The following PALS1 variants were observed in gnomAD, a reference collection of about 807,000 sequenced individuals.
PALS1 encodes protein associated with LIN7 1, MAGUK p55 family member, also known as protein PALS1.
In PALS1, 31 loss-of-function variants were observed where a neutral mutation model predicts 78.9. The observed-to-expected ratio is 0.39, with a 90% CI of 0.30 to 0.53. The LOEUF (loss-of-function observed/expected upper bound fraction) is 0.53. Ranked by LOEUF, PALS1 falls within the 20% of genes least tolerant of loss-of-function variation. The probability of loss-of-function intolerance (pLI) is 0.67; values close to 1 mark genes in which losing one functional copy is unlikely to be tolerated. For synonymous variants in PALS1, 276 were observed against 270.9 expected (o/e 1.02, Z -0.18); for missense variants, 704 against 826.5 (o/e 0.85, Z 1.82).
At chr14:67,254,177 T>A (rs1998384) in intron 1 of PALS1, 1 of 141,244 alleles carries the variant, frequency 7.1e-6, no homozygotes. Flanking sequence ...ATTTTAAGTG[T>A]CTTTCTTTTT....
Position 67,284,816 on chromosome 14 carries a change from A to G in PALS1, c.367+5279A>G, listed in dbSNP as rs145099054. Among the ~76,000 whole-genome samples the G allele has an allele frequency of 2.4e-3, 365 of 152,264 alleles. 2 individuals carry two copies. Among genetic ancestry groups the G allele is most frequent in the African/African-American group, 8.4e-3 (350 of 41,568 alleles). On this transcript the variant is annotated intron_variant, in intron 3 of 14. Coordinates refer to ENST00000261681, the MANE Select transcript of PALS1 (RefSeq NM_022474.4). ...AGGGTTCATCCATATTGTAGCATGA[A>G]TCAGTACTTCATTTCTTTTTTATGG...
At chr14:67,258,672 T>G (rs2084182568) in intron 1 of PALS1, among the ~76,000 whole-genome samples, 1 of 152,202 alleles carries the variant, frequency 6.6e-6, no homozygotes, top group South Asian at 2.1e-4. Context: ...TCCACCTGCC[T>G]CGGCCTCCCA....
chr14:67,330,741 A>C (rs2085435588), intron 14 of PALS1, among the ~76,000 whole-genome samples: 1 of 144,338 alleles, frequency 6.9e-6, no homozygotes, highest in Non-Finnish European at 1.5e-5. Flanking sequence ...TATGGGCCTG[A>C]GCCCCCGGCA....
At chr14:67,254,536 C>T (rs1232125386) in intron 1 of PALS1, among the ~76,000 whole-genome samples, 3 of 152,112 alleles carry the variant, frequency 2.0e-5, no homozygotes, top group African/African-American at 7.2e-5. Flanking sequence ...TCTCATTAGC[C>T]TTCCTTTCTT....
rs112917410 is a variant in PALS1, at chr14:67,268,594, G to A, written c.-236-1107G>A. On this transcript the variant is annotated intron_variant, in intron 1 of 14. Coordinates refer to ENST00000261681, the MANE Select transcript of PALS1 (RefSeq NM_022474.4). ...GTTCCTCCCCTTTTTAGACCATATA[G>A]GGTGACTTCCTAACGTTGCCATGGC... Among the ~76,000 whole-genome samples the A allele has an allele frequency of 8.7e-3, 1,329 of 152,280 alleles. 20 individuals carry two copies. Among genetic ancestry groups the A allele is most frequent in the African/African-American group, 0.029 (1,204 of 41,556 alleles).
intron 9 of PALS1, 52 bp downstream of exon 9, chr14:67,312,762 GCAAGCC>G: frequency 1.5e-6 from 2 of 1,324,052 alleles, no homozygotes; most frequent in Non-Finnish European, 2.0e-6. Context: ...CATTGAAAAT[GCAAGCC>G]TTCACAAAGA....
At chr14:67,318,807 C>T (rs578220740) in intron 11 of PALS1, among the ~76,000 whole-genome samples, 1 of 152,166 alleles carries the variant, frequency 6.6e-6, no homozygotes, top group Non-Finnish European at 1.5e-5. Flanking sequence ...CCTGTAATCC[C>T]AGCACTTTGG....
chr14:67,330,157 T>A (rs10133752), intron 14 of PALS1, among the ~76,000 whole-genome samples: 1,949 of 139,394 alleles, frequency 0.014, 24 homozygotes, highest in African/African-American at 0.029. Context: ...TAATAATAAT[T>A]ATTATTATTA....
intron 3 of PALS1, among the ~76,000 whole-genome samples, chr14:67,285,573 G>C (rs1045448733): frequency 3.4e-5 from 5 of 147,452 alleles, no homozygotes; most frequent in East Asian, 4.3e-4. Context: ...GTTTCACCGT[G>C]TTAGCCAGGA....
intron 2 of PALS1, 90 bp from the exon 3 acceptor site, chr14:67,278,928 A>G (rs758692743): frequency 5.9e-5 from 18 of 306,594 alleles, no homozygotes; most frequent in Non-Finnish European, 6.6e-5. Flanking sequence ...ATTATTTTCT[A>G]CGTTGTATGG....
chr14:67,289,495 C>T (rs1448167486), intron 3 of PALS1, among the ~76,000 whole-genome samples: 2 of 151,966 alleles, frequency 1.3e-5, no homozygotes, highest in African/African-American at 4.8e-5. Flanking sequence ...GTCTTGGAAC[C>T]AATCTCCCAC....
At chr14:67,268,552 A>C (rs541871177) in intron 1 of PALS1, among the ~76,000 whole-genome samples, 14 of 152,350 alleles carry the variant, frequency 9.2e-5, no homozygotes, top group African/African-American at 3.1e-4. Flanking sequence ...AGGGATGGGC[A>C]ATTCGCAGAA....
intron 3 of PALS1, among the ~76,000 whole-genome samples, chr14:67,286,875 GA>G (rs1000508583): frequency 0.014 from 1,822 of 133,816 alleles, 44 homozygotes; most frequent in Admixed American, 0.053. Context: ...AAAAAAAAAA[GA>G]AAAAAACTGT....
chr14:67,311,858 T>G (rs2085095366), intron 8 of PALS1: 1 of 152,490 alleles, frequency 6.6e-6, no homozygotes, highest in South Asian at 2.1e-4. Context: ...TTTAGTTAAT[T>G]TTAGTCGTTG....
intron 1 of PALS1, among the ~76,000 whole-genome samples, chr14:67,267,443 G>T (rs948199136): frequency 1.3e-5 from 2 of 151,782 alleles, no homozygotes; most frequent in Non-Finnish European, 1.5e-5. Flanking sequence ...TAGAGATGGG[G>T]GTTCATCATG....
At chr14:67,268,445 G>A (rs1206499700) in intron 1 of PALS1, among the ~76,000 whole-genome samples, 1 of 152,134 alleles carries the variant, frequency 6.6e-6, no homozygotes, top group Non-Finnish European at 1.5e-5. Context: ...TGACAGTAAA[G>A]GAATGAAAGA....
chr14:67,253,624 T>A (rs1334585052), intron 1 of PALS1, among the ~76,000 whole-genome samples: 1 of 152,144 alleles, frequency 6.6e-6, no homozygotes, highest in East Asian at 1.9e-4. Flanking sequence ...GCAAGAGGAC[T>A]GCTTGAGCCC....
At position 67,266,908 on chromosome 14, in the gene PALS1, G is replaced by A. The variant is rs532247119; in HGVS notation, c.-236-2793G>A. On this transcript the variant is annotated intron_variant, in intron 1 of 14. Coordinates refer to ENST00000261681, the MANE Select transcript of PALS1 (RefSeq NM_022474.4). ...ACAGATCACTTGAGCCTAGGAGTTC[G>A]ACACCAGCCTGGGCAACACAGTGAA... 2.0e-4 allele frequency among the ~76,000 whole-genome samples: 30 copies of A among 151,950 alleles called. 1 individual carries two copies. Among genetic ancestry groups the A allele is most frequent in the Middle Eastern group, 3.4e-3 (1 of 294 alleles).
intron 3 of PALS1, among the ~76,000 whole-genome samples, chr14:67,284,164 A>G (rs1009078477): frequency 6.6e-6 from 1 of 152,150 alleles, no homozygotes; most frequent in African/African-American, 2.4e-5. Flanking sequence ...GAGATCATCT[A>G]ACTCTGTAGT....
Sources: allele counts gnomAD v4.1 joint callset (sites outside exome capture counted in the v4.1 genomes callset), GRCh38; gene constraint gnomAD v4.1.1; transcripts MANE v1.5; gene names NCBI Gene and HGNC (gene_info 2026-07-23, HGNC 2026-07-21).